CDC27: variants seen among roughly 807,000 people sequenced by gnomAD.
CDC27 encodes the protein cell division cycle protein 27 homolog.
In CDC27, 27 loss-of-function variants were observed where a neutral mutation model predicts 109.7. The ratio of observed to expected loss-of-function variants is 0.25; its 90% CI spans 0.18 to 0.34. The LOEUF (loss-of-function observed/expected upper bound fraction) is 0.34, where lower values mean the gene tolerates loss of function less well. Ranked by LOEUF, CDC27 falls within the 10% of genes least tolerant of loss-of-function variation. The pLI is 1.00. For synonymous variants in CDC27, 266 were observed against 333.9 expected (o/e 0.80, Z 2.22); for missense variants, 579 against 960.2 (o/e 0.60, Z 5.25).
At chr17:47,160,721 C>T (rs1049847671) in intron 4 of CDC27, among the ~76,000 whole-genome samples, 1 of 152,104 alleles carries the variant, frequency 6.6e-6, no homozygotes, top group Non-Finnish European at 1.5e-5. Context: ...GAAATCTAAC[C>T]GAGATCCTCA....
Position 47,169,919 on chromosome 17 carries a change from A to G in CDC27, c.375T>C (p.Tyr125=). The G allele has an allele frequency of 1.3e-6, 2 of 1,584,576 alleles. No homozygotes were observed. The highest frequency in any genetic ancestry group is 1.7e-6 in the Non-Finnish European group (2 of 1,170,488). Residue 125 remains tyrosine, a splice_region_variant and synonymous_variant, in exon 4 of 19, where the codon TAT becomes TAC. Transcript: ENST00000066544. ...CAGTTTGAATCATTCTTACTTACCA[A>G]TATACATGTCCCAACAATGAAAGAG... ...CFTLSLLGHV[Y]CKTDRLAKGS...
At chr17:47,173,822 G>A (rs1433567587) in intron 2 of CDC27, among the ~76,000 whole-genome samples, 2 of 152,242 alleles carry the variant, frequency 1.3e-5, no homozygotes, top group African/African-American at 4.8e-5. Flanking sequence ...GCCAGGCGTG[G>A]TGGCTCATGC....
chr17:47,124,344 C>T lies in CDC27; in HGVS notation c.2161-384G>A, dbSNP rs377543231. On this transcript the variant is annotated intron_variant, in intron 16 of 18. Transcript: ENST00000066544. ...TGTCGCCCAGGCTGGAGTGCAGTGG[C>T]GCCATCTCTGCTCTCTGCAATCTCC... Among the ~76,000 whole-genome samples, 29 of 152,002 alleles carry T rather than the reference C, an allele frequency of 1.9e-4. No homozygotes were observed. The East Asian group carries it at 4.8e-3, about 25-fold the overall frequency.
At chr17:47,175,457 ATGT>A (rs1443091343) in intron 2 of CDC27, among the ~76,000 whole-genome samples, 11 of 152,140 alleles carry the variant, frequency 7.2e-5, no homozygotes, top group African/African-American at 2.7e-4. Flanking sequence ...ATGAACTCTG[ATGT>A]TGTGTGAATT....
rs766831692 is a variant in CDC27 at position 47,189,128 on chromosome 17, G to T, written c.27+18C>A. 6.2e-7 allele frequency: 1 copy of T among 1,612,522 alleles called. No individual in the cohort carries two copies. The highest frequency in any genetic ancestry group is 8.5e-7 in the Non-Finnish European group (1 of 1,178,614). On this transcript the variant is annotated intron_variant, in intron 1 of 18. Coordinates refer to ENST00000066544, the MANE Select transcript of CDC27 (RefSeq NM_001256.6). ...CCGAGGCTGCCAGCCAAGCCCCAGA[G>T]AAGAAGGTTATCATTACCTGGACGG... is the stretch of plus-strand genomic sequence containing the variant.
rs75187507 is a variant in CDC27, at chr17:47,159,108, A to T, written c.378-805T>A. On this transcript the variant is annotated intron_variant, in intron 4 of 18. Coordinates refer to ENST00000066544, the MANE Select transcript of CDC27 (RefSeq NM_001256.6). Reference sequence around the variant, plus strand: ...TTCTGAAAGTGATTTAAATGCTTTAAATATAGCATAAATGACCAGGTTTTT... The same window carrying T: ...TTCTGAAAGTGATTTAAATGCTTTATATATAGCATAAATGACCAGGTTTTT... 1.6e-4 allele frequency: 47 copies of T among 287,180 alleles called. No homozygotes were observed. In the East Asian group the frequency reaches 2.8e-3, roughly 17 times the overall value. The allele number at this position is 287,180 out of a possible 1,614,324, so 17.8% of individuals were successfully genotyped here.
intron 2 of CDC27, among the ~76,000 whole-genome samples, chr17:47,175,027 GAA>G (rs2063945837): frequency 1.4e-5 from 2 of 143,528 alleles, no homozygotes; most frequent in South Asian, 2.3e-4. Flanking sequence ...AAGAAAGAGA[GAA>G]AGAGAGAGAG....
In CDC27 at chr17:47,134,475, T is replaced by C. The variant is rs139794316; in HGVS notation, c.1914-2101A>G. 2.1e-4 allele frequency among the ~76,000 whole-genome samples: 30 copies of C among 141,448 alleles called. 1 individual carries two copies. The East Asian group carries it at 5.9e-3, about 28-fold the overall frequency. 92.8% of individuals were successfully genotyped at this position (141,448 alleles called of 152,430 possible). A position where few individuals can be genotyped will look rare whatever the true frequency, so the allele number is the denominator to read the frequency against. On this transcript the variant is annotated intron_variant, in intron 14 of 18. Coordinates refer to ENST00000066544, the MANE Select transcript of CDC27 (RefSeq NM_001256.6). The stretch of plus-strand genomic sequence containing the variant: ...AGGCATACACCACCATGCCTAATTG[T>C]TTTTTTTTTGTTTTGTTTTGTTTTG...
chr17:47,122,881 C>G (rs1309175332), intron 17 of CDC27, among the ~76,000 whole-genome samples: 4 of 152,108 alleles, frequency 2.6e-5, no homozygotes, highest in Admixed American at 6.6e-5. Context: ...GCCATGTTAG[C>G]TAGGCTACTC....
At chr17:47,156,277 T>C (rs922688811) in intron 7 of CDC27, among the ~76,000 whole-genome samples, 3 of 151,882 alleles carry the variant, frequency 2.0e-5, no homozygotes, top group Non-Finnish European at 4.4e-5. Flanking sequence ...TAGCTGGATC[T>C]ACAGGCGCGT....
intron 1 of CDC27, among the ~76,000 whole-genome samples, chr17:47,184,515 C>A (rs1383858963): frequency 6.6e-6 from 1 of 152,026 alleles, no homozygotes; most frequent in Non-Finnish European, 1.5e-5. Context: ...GAAATTTTTT[C>A]TGTCCTTTTA....
rs1001007702 is a variant in CDC27, at chr17:47,117,761, CG to C, written c.*3173del. On this transcript the variant is annotated 3_prime_UTR_variant, in exon 19 of 19. Transcript: ENST00000066544. Reference sequence around the variant, plus strand: ...AAATAATACTAAAAAAGAGTATGACCGTTTAAAAATATAAATATATTAAGAG... The same window carrying C: ...AAATAATACTAAAAAAGAGTATGACCTTTAAAAATATAAATATATTAAGAG... 5.9e-5 allele frequency: 9 copies of C among 151,792 alleles called. No homozygotes were observed. The highest frequency in any genetic ancestry group is 2.2e-4 in the African/African-American group (9 of 41,326). 9.4% of individuals were successfully genotyped at this position (151,792 alleles called of 1,614,324 possible).
chr17:47,143,538 T>C (rs2062862369), intron 10 of CDC27, among the ~76,000 whole-genome samples: 2 of 152,166 alleles, frequency 1.3e-5, no homozygotes, highest in Non-Finnish European at 2.9e-5. Flanking sequence ...ACCACCACAA[T>C]GCAATTCTTT....
At chr17:47,131,358 T>C (rs2062325948) in intron 15 of CDC27, among the ~76,000 whole-genome samples, 1 of 152,222 alleles carries the variant, frequency 6.6e-6, no homozygotes, top group African/African-American at 2.4e-5. Flanking sequence ...CTTACGGTGC[T>C]GGACTATGTC....
chr17:47,180,794 T>C (rs940630853), intron 2 of CDC27, among the ~76,000 whole-genome samples: 4 of 151,960 alleles, frequency 2.6e-5, no homozygotes, highest in Non-Finnish European at 2.9e-5. Flanking sequence ...GGGGCAATGA[T>C]TATTTTATAG....
chr17:47,155,434 T>G (rs748085844), intron 7 of CDC27, among the ~76,000 whole-genome samples: 1 of 152,004 alleles, frequency 6.6e-6, no homozygotes, highest in Non-Finnish European at 1.5e-5. Flanking sequence ...TTAGTAGAGA[T>G]AGGGTTTCAC....
chr17:47,146,661 T>C (rs2148881937), intron 9 of CDC27, among the ~76,000 whole-genome samples: 1 of 152,202 alleles, frequency 6.6e-6, no homozygotes, highest in East Asian at 1.9e-4. Flanking sequence ...TGGACAAAAT[T>C]TAAAAGGTAA....
intron 14 of CDC27, among the ~76,000 whole-genome samples, chr17:47,132,584 G>T (rs778379805): frequency 2.7e-5 from 4 of 150,410 alleles, no homozygotes; most frequent in Non-Finnish European, 3.0e-5. Flanking sequence ...ATTTTTTTTT[G>T]AATTAGGGTC....
chr17:47,188,912 G>C (rs111718069), intron 1 of CDC27: 8 of 1,387,088 alleles, frequency 5.8e-6, no homozygotes, highest in African/African-American at 4.3e-5. Flanking sequence ...CGGGAAAGGC[G>C]GTTATTTTCG....
Sources: allele counts gnomAD v4.1 joint callset (sites outside exome capture counted in the v4.1 genomes callset), GRCh38; gene constraint gnomAD v4.1.1; transcripts MANE v1.5; gene names NCBI Gene and HGNC (gene_info 2026-07-23, HGNC 2026-07-21).